USH2A: variants seen among roughly 807,000 people sequenced by gnomAD.
The protein encoded by USH2A is usherin.
A neutral mutation model predicts 538.9 loss-of-function variants in USH2A; 443 were observed. That is an observed-to-expected ratio of 0.82 (90% confidence interval 0.76 to 0.89). The LOEUF (loss-of-function observed/expected upper bound fraction) is 0.89, where lower values mean the gene tolerates loss of function less well. USH2A is among the 40% of genes least tolerant of loss of function. USH2A has a pLI of 0.00. For missense variants in USH2A, 6,633 were observed against 6,324.8 expected, an observed-to-expected ratio of 1.05 and a Z score of -1.65; for synonymous variants, 2,413 against 2,273.5, an observed-to-expected ratio of 1.06 and a Z score of -1.75.
intron 67 of USH2A, among the ~76,000 whole-genome samples, chr1:215,646,041 A>T (rs1413260746): frequency 6.6e-6 from 1 of 152,228 alleles, no homozygotes; most frequent in Non-Finnish European, 1.5e-5. Flanking sequence ...AACGTCAAGT[A>T]TAAAAAGCTG....
At chr1:216,080,279 C>A (rs1393052309) in intron 26 of USH2A, among the ~76,000 whole-genome samples, 2 of 151,932 alleles carry the variant, frequency 1.3e-5, no homozygotes, top group African/African-American at 4.8e-5. Context: ...GAAAATAGTT[C>A]TTTTAAGTGA....
At chr1:216,146,046 G>T (rs564820226) in intron 21 of USH2A, among the ~76,000 whole-genome samples, 1 of 152,144 alleles carries the variant, frequency 6.6e-6, no homozygotes, top group Non-Finnish European at 1.5e-5. Flanking sequence ...ACACGGACGC[G>T]CATGAAATTT....
intron 9 of USH2A, among the ~76,000 whole-genome samples, chr1:216,300,741 GT>G (rs531354825): frequency 2.3e-3 from 273 of 116,536 alleles, no homozygotes; most frequent in Middle Eastern, 4.8e-3. Context: ...TAGACTCAAT[GT>G]TTTTTTTTTT....
In USH2A at chr1:216,147,171, C is replaced by T. The variant is rs543856038; in HGVS notation, c.4627+28081G>A. On this transcript the variant is annotated intron_variant, in intron 21 of 71. Coordinates refer to ENST00000307340, the MANE Select transcript of USH2A (RefSeq NM_206933.4). Reference sequence around the variant, plus strand: ...GTACCAACCCCAAGCATCGCTGAGTCTTTCTAATCTTCCTTTTCTACAGAC... The same window carrying T: ...GTACCAACCCCAAGCATCGCTGAGTTTTTCTAATCTTCCTTTTCTACAGAC... 1.7e-4 allele frequency among the ~76,000 whole-genome samples: 26 copies of T among 152,042 alleles called. No homozygotes were observed. The South Asian group carries it at 5.4e-3, about 32-fold the overall frequency.
intron 35 of USH2A, among the ~76,000 whole-genome samples, 169 bp downstream of exon 35, chr1:215,992,851 T>C (rs1200764571): frequency 3.3e-5 from 5 of 152,210 alleles, no homozygotes; most frequent in Non-Finnish European, 7.3e-5. Flanking sequence ...AATTGTGTGT[T>C]AGCCTAAAAA....
intron 47 of USH2A, among the ~76,000 whole-genome samples, chr1:215,818,408 T>C (rs1481314364): frequency 6.6e-6 from 1 of 151,918 alleles, no homozygotes; most frequent in African/African-American, 2.4e-5. Flanking sequence ...TAGATTCTTT[T>C]TTTTTTCAAT....
chr1:216,015,255 A>G (rs1260793863), intron 32 of USH2A, among the ~76,000 whole-genome samples: 1 of 152,144 alleles, frequency 6.6e-6, no homozygotes, highest in Admixed American at 6.5e-5. Context: ...CAGCAAACCT[A>G]AGGGGTGATA....
intron 9 of USH2A, among the ~76,000 whole-genome samples, chr1:216,315,147 G>T (rs959727956): frequency 6.6e-6 from 1 of 152,088 alleles, no homozygotes; most frequent in African/African-American, 2.4e-5. Flanking sequence ...TTGCAAATAT[G>T]TTAGTTGACA....
chr1:216,380,734 A>AT (rs984296020), intron 3 of USH2A, among the ~76,000 whole-genome samples: 4 of 152,130 alleles, frequency 2.6e-5, no homozygotes, highest in African/African-American at 7.2e-5. Flanking sequence ...GGAAAAGATA[A>AT]TTTTTTCAGG....
intron 3 of USH2A, among the ~76,000 whole-genome samples, chr1:216,369,843 A>C (rs984469930): frequency 1.3e-5 from 2 of 151,338 alleles, no homozygotes; most frequent in African/African-American, 4.9e-5. Flanking sequence ...GAATCTTTTG[A>C]ACCCGGGAGG....
intron 69 of USH2A, 25 bp downstream of exon 69, chr1:215,639,130 G>T (rs375063420): frequency 3.1e-6 from 5 of 1,608,476 alleles, no homozygotes; most frequent in Admixed American, 1.7e-5. Flanking sequence ...TAGGTGCTAC[G>T]CCAAGTATAA....
At chr1:215,798,134 C>A (rs1662197741) in intron 50 of USH2A, among the ~76,000 whole-genome samples, 1 of 152,098 alleles carries the variant, frequency 6.6e-6, no homozygotes, top group African/African-American at 2.4e-5. Flanking sequence ...AGAAGTGAAG[C>A]CTGAAGAGGT....
chr1:215,756,889 G>A (rs1170347881), intron 58 of USH2A, among the ~76,000 whole-genome samples: 4 of 151,372 alleles, frequency 2.6e-5, no homozygotes, highest in Non-Finnish European at 4.4e-5. Context: ...CTCCAGCCTG[G>A]GTGACAGAGA....
intron 21 of USH2A, among the ~76,000 whole-genome samples, chr1:216,106,524 T>C (rs2032737220): frequency 6.6e-6 from 1 of 151,432 alleles, no homozygotes; most frequent in African/African-American, 2.4e-5. Context: ...TTAAAATTAA[T>C]CCAAAATATT....
At chr1:216,219,273 C>T (rs1007587224) in intron 14 of USH2A, among the ~76,000 whole-genome samples, 2 of 152,042 alleles carry the variant, frequency 1.3e-5, no homozygotes, top group Admixed American at 1.3e-4. Flanking sequence ...GTCAACTTAT[C>T]TGACTTGTTA....
chr1:216,237,559 G>A (rs768399415), intron 13 of USH2A, among the ~76,000 whole-genome samples: 1 of 151,268 alleles, frequency 6.6e-6, no homozygotes, highest in Non-Finnish European at 1.5e-5. Context: ...ATACATTCTG[G>A]AGTCAGATGG....
intron 37 of USH2A, among the ~76,000 whole-genome samples, chr1:215,936,951 A>G (rs1267326956): frequency 2.0e-5 from 3 of 152,126 alleles, no homozygotes; most frequent in Admixed American, 1.3e-4. Context: ...AATTGTAAAA[A>G]CATACAAAAA....
intron 11 of USH2A, among the ~76,000 whole-genome samples, chr1:216,266,042 A>G (rs1176340641): frequency 6.6e-6 from 1 of 152,166 alleles, no homozygotes; most frequent in African/African-American, 2.4e-5. Context: ...AATAGCTAGA[A>G]GAAAGGATTT....
chr1:216,217,630 G>A, intron 14 of USH2A, 80 bp from the exon 15 acceptor site: 3 of 1,515,148 alleles, frequency 2.0e-6, no homozygotes, highest in Non-Finnish European at 9.1e-7. Context: ...CCTACCAATA[G>A]CATTGTAGAG....
Sources: gnomAD v4.1 joint callset for allele counts (sites outside exome capture counted in the v4.1 genomes callset) on GRCh38, gnomAD v4.1.1 for gene constraint, MANE v1.5 for transcripts, NCBI Gene and HGNC (gene_info 2026-07-23, HGNC 2026-07-21) for gene names.